ANKRD18A: variants seen among roughly 807,000 people sequenced by gnomAD.
ANKRD18A encodes the protein ankyrin repeat domain-containing protein 18A.
A neutral mutation model predicts 110.6 loss-of-function variants in ANKRD18A; 72 were observed. The ratio of observed to expected loss-of-function variants is 0.65; its 90% confidence interval spans 0.54 to 0.79. ANKRD18A has a LOEUF of 0.79. ANKRD18A is among the 30% of genes least tolerant of loss of function. The pLI is 0.00. For synonymous variants in ANKRD18A, 305 were observed against 410.3 expected (o/e 0.74, Z 3.10); for missense variants, 934 against 1,163.3 (o/e 0.80, Z 2.87).
chr9:38,612,969 G>C (rs959505405), intron 3 of ANKRD18A, among the ~76,000 whole-genome samples: 1 of 151,376 alleles, frequency 6.6e-6, no homozygotes, highest in South Asian at 2.1e-4. Flanking sequence ...TAAAAAAAGA[G>C]TTAAAAAAAC....
intron 3 of ANKRD18A, among the ~76,000 whole-genome samples, chr9:38,614,341 G>A (rs1335250858): frequency 2.0e-5 from 3 of 148,580 alleles, no homozygotes; most frequent in African/African-American, 5.0e-5. Flanking sequence ...TCCTGACCTC[G>A]TGATCTGCCC....
At chr9:38,569,494 T>C, downstream of ANKRD18A, 1 of 974,342 alleles carries the variant, frequency 1.0e-6, no homozygotes, top group Non-Finnish European at 1.2e-6. Flanking sequence ...TGCGTGTCTC[T>C]AACTGCTCCA....
At chr9:38,566,387 G>A (rs1176258957), downstream of ANKRD18A, 1 of 152,140 alleles carries the variant, frequency 6.6e-6, no homozygotes, top group African/African-American at 2.4e-5. Flanking sequence ...ATATCCAAAA[G>A]GAAGACATTT....
At chr9:38,602,849 A>G (rs1489997176) in intron 7 of ANKRD18A, among the ~76,000 whole-genome samples, 1 of 152,152 alleles carries the variant, frequency 6.6e-6, no homozygotes, top group East Asian at 1.9e-4. Context: ...GTTTTTGAAA[A>G]AATAGTCACG....
chr9:38,581,542 C>T (rs192744061), intron 12 of ANKRD18A, among the ~76,000 whole-genome samples: 4,342 of 151,766 alleles, frequency 0.029, 142 homozygotes, highest in African/African-American at 0.075. Context: ...ATCTAGTATT[C>T]GATTTTCATT....
At position 38,575,656 on chromosome 9, in the gene ANKRD18A, C is replaced by A; in HGVS notation, c.2784G>T (p.Thr928=). ...KIAVISTKLF[T]EKQRMKYFLS... ...GAAAATATTTCATCCGCTGTTTCTC[C>A]GTAAAGAGCTTGGTGCTGATCACTG... Residue 928 remains threonine, a synonymous_variant, in exon 15 of 16, where the codon ACG becomes ACT. Coordinates refer to ENST00000399703, the MANE Select transcript of ANKRD18A (RefSeq NM_147195.4). The A allele has an allele frequency of 1.3e-6, 2 of 1,551,732 alleles. No individual in the cohort carries two copies. The highest frequency in any genetic ancestry group is 1.7e-4 in the Middle Eastern group (1 of 5,988).
At position 38,586,288 on chromosome 9, in the gene ANKRD18A, T is replaced by C. The variant is rs764507396; in HGVS notation, c.2142A>G (p.Thr714=). 2.1e-5 allele frequency: 34 copies of C among 1,597,270 alleles called. No individual in the cohort carries two copies. The highest frequency in any genetic ancestry group is 2.9e-5 in the Non-Finnish European group (34 of 1,169,932). Residue 714 remains threonine (T), a synonymous_variant, in exon 12 of 16, where the codon ACA becomes ACG. Coordinates refer to ENST00000399703, the MANE Select transcript of ANKRD18A (RefSeq NM_147195.4). ...ATGYKKCLEM[T]INMLNAFANE... ...TTGCAAATGCATTTAACATATTTAT[T>C]GTCATTTCTAGGCATTTCTTATATC...
intron 15 of ANKRD18A, among the ~76,000 whole-genome samples, chr9:38,574,436 G>A (rs1823789604): frequency 6.6e-6 from 1 of 152,066 alleles, no homozygotes; most frequent in Admixed American, 6.5e-5. Context: ...TATAGTAATG[G>A]GGTTGCTGCA....
chr9:38,577,312 T>G (rs1225117190), intron 13 of ANKRD18A, 48 bp from the exon 14 acceptor site: 1 of 1,489,218 alleles, frequency 6.7e-7, no homozygotes, highest in Non-Finnish European at 8.9e-7. Context: ...ATAAGTTAAT[T>G]ACCATAGGTT....
In ANKRD18A at chr9:38,595,769, A is replaced by T. The variant is rs1360170292; in HGVS notation, c.1571T>A (p.Met524Lys). Residue 524 changes from methionine (M) to lysine (K), a missense_variant, in exon 9 of 16, where the codon ATG (methionine) becomes AAG (lysine). By Grantham distance (95) the Met-to-Lys change is moderately conservative. Coordinates refer to ENST00000399703, the MANE Select transcript of ANKRD18A (RefSeq NM_147195.4). ...TTCTTTAGCTTCTCCATTTGGATGC[A>T]TCTGCTTCATTTCCTTTATTCGATG... ...AQHRIKEMKQ[M>K]HPNGEAKESQ... 1.9e-6 allele frequency: 3 copies of T among 1,551,290 alleles called. No homozygotes were observed. Among genetic ancestry groups the T allele is most frequent in the South Asian group, 2.4e-5 (2 of 83,972 alleles).
At chr9:38,570,166 C>T (rs1012662095), downstream of ANKRD18A, among the ~76,000 whole-genome samples, 1 of 152,106 alleles carries the variant, frequency 6.6e-6, no homozygotes, top group African/African-American at 2.4e-5. Flanking sequence ...ACCATGTCTC[C>T]CTAACCAGGC....
At chr9:38,597,119 A>G (rs916702219) in intron 8 of ANKRD18A, among the ~76,000 whole-genome samples, 1 of 152,194 alleles carries the variant, frequency 6.6e-6, no homozygotes, top group African/African-American at 2.4e-5. Context: ...ACAAAAACAG[A>G]GAAACAAAAA....
At position 38,571,692 on chromosome 9, in the gene ANKRD18A, T is replaced by C. The variant is rs925836737; in HGVS notation, c.*353A>G. On this transcript the variant is annotated 3_prime_UTR_variant, in exon 16 of 16. Transcript: ENST00000399703. ...CCTTTACTAAAGTATCAATGATGAC[T>C]TGGTTGTTTGGCTGTTTAAACAGCT... The C allele has an allele frequency of 9.7e-7, 1 of 1,034,954 alleles. No individual in the cohort carries two copies. The highest frequency in any genetic ancestry group is 1.7e-5 in the African/African-American group (1 of 58,334). The allele number at this position is 1,034,954 out of a possible 1,614,324, so 64.1% of individuals were successfully genotyped here.
intron 10 of ANKRD18A, among the ~76,000 whole-genome samples, chr9:38,591,424 C>T (rs1330186877): frequency 6.6e-6 from 1 of 152,138 alleles, no homozygotes; most frequent in Non-Finnish European, 1.5e-5. Context: ...AGAATAATAC[C>T]ATCTACTTCA....
chr9:38,568,771 C>T, downstream of ANKRD18A: 1 of 985,396 alleles, frequency 1.0e-6, no homozygotes, highest in Non-Finnish European at 1.2e-6. Flanking sequence ...GCTGAGTCCC[C>T]TGGGTGGTAA....
chr9:38,605,786 G>A (rs1825326113), intron 6 of ANKRD18A, among the ~76,000 whole-genome samples: 1 of 151,944 alleles, frequency 6.6e-6, no homozygotes, highest in Non-Finnish European at 1.5e-5. Context: ...GCTAATTTTT[G>A]TACTTTTAGT....
At chr9:38,584,987 T>C (rs1203075335) in intron 12 of ANKRD18A, among the ~76,000 whole-genome samples, 1 of 152,206 alleles carries the variant, frequency 6.6e-6, no homozygotes, top group African/African-American at 2.4e-5. Context: ...CCCCCAAATA[T>C]ATATTTTTTG....
chr9:38,570,834 C>T (rs866363753), downstream of ANKRD18A, among the ~76,000 whole-genome samples: 3 of 152,250 alleles, frequency 2.0e-5, no homozygotes, highest in Admixed American at 6.5e-5. Context: ...ACTCACCCCG[C>T]AAGGCCCTCT....
downstream of ANKRD18A, chr9:38,571,292 T>A (rs1823632994): frequency 8.3e-6 from 11 of 1,329,518 alleles, no homozygotes; most frequent in Non-Finnish European, 9.7e-6. Flanking sequence ...CAAAAAGACA[T>A]AAAGTCAGCT....
Sources: allele counts gnomAD v4.1 joint callset (sites outside exome capture counted in the v4.1 genomes callset), GRCh38; gene constraint gnomAD v4.1.1; transcripts MANE v1.5; gene names NCBI Gene and HGNC (gene_info 2026-07-23, HGNC 2026-07-21).